The following ABLIM1 variants were observed in gnomAD, a reference collection of about 807,000 sequenced individuals.
ABLIM1 encodes actin-binding LIM protein 1.
Under a neutral mutation model 107.0 loss-of-function variants are expected in ABLIM1, and 40 were observed. The observed-to-expected ratio is 0.37, with a 90% CI of 0.29 to 0.49. ABLIM1 has a LOEUF of 0.49. Ranked by LOEUF, ABLIM1 falls within the 20% of genes least tolerant of loss-of-function variation. ABLIM1 has a pLI of 0.97. For missense variants in ABLIM1, 857 were observed against 1,008.5 expected (o/e 0.85, Z 2.04); for synonymous variants, 357 against 357.3 (o/e 1.00, Z 0.01).
chr10:114,518,498 G>A (rs2063244004), intron 6 of ABLIM1, among the ~76,000 whole-genome samples: 1 of 151,810 alleles, frequency 6.6e-6, no homozygotes, highest in African/African-American at 2.4e-5. Flanking sequence ...TAAATGAACA[G>A]ACGTGGTCCT....
At chr10:114,780,168 A>G in the ABLIM1 span, among the ~76,000 whole-genome samples, 1 of 152,198 alleles carries the variant, frequency 6.6e-6, no homozygotes, top group Admixed American at 6.6e-5. Flanking sequence ...CATCTTTAGG[A>G]AAAAGGAATT....
At chr10:114,666,960 A>G (rs897280836) in intron 1 of ABLIM1, among the ~76,000 whole-genome samples, 1 of 152,204 alleles carries the variant, frequency 6.6e-6, no homozygotes, top group African/African-American at 2.4e-5. Flanking sequence ...TCACATTTTT[A>G]TAGGAAATTT....
chr10:114,528,515 T>C (rs1295851025), intron 6 of ABLIM1, among the ~76,000 whole-genome samples: 1 of 152,108 alleles, frequency 6.6e-6, no homozygotes, highest in African/African-American at 2.4e-5. Context: ...CTCACTAAAT[T>C]TCTAGTGCAT....
At chr10:114,606,864 A>G (rs2076451240) in intron 1 of ABLIM1, among the ~76,000 whole-genome samples, 1 of 152,222 alleles carries the variant, frequency 6.6e-6, no homozygotes, top group Non-Finnish European at 1.5e-5. Flanking sequence ...CACCTAGTGC[A>G]GTGACTTCTA....
At chr10:114,753,587 G>A (rs751991171) in intron 1 of ABLIM1, among the ~76,000 whole-genome samples, 7 of 151,864 alleles carry the variant, frequency 4.6e-5, no homozygotes, top group Non-Finnish European at 7.4e-5. Flanking sequence ...AAAAGGCAAA[G>A]CAGCTTTTTT....
At chr10:114,486,030 C>T (rs559540746) in intron 8 of ABLIM1, among the ~76,000 whole-genome samples, 8 of 152,162 alleles carry the variant, frequency 5.3e-5, no homozygotes, top group African/African-American at 1.9e-4. Flanking sequence ...CCTGACCTCC[C>T]ACGTAGTGAA....
chr10:114,598,716 GA>G (rs2075699950), intron 2 of ABLIM1, among the ~76,000 whole-genome samples: 1 of 151,392 alleles, frequency 6.6e-6, no homozygotes, highest in Non-Finnish European at 1.5e-5. Flanking sequence ...ATTACTTGTT[GA>G]AATGATAATA....
At chr10:114,698,989 T>C (rs1724383448) in intron 1 of ABLIM1, among the ~76,000 whole-genome samples, 1 of 151,470 alleles carries the variant, frequency 6.6e-6, no homozygotes, top group Non-Finnish European at 1.5e-5. Context: ...TGAGTCCAAA[T>C]TAGAAGATAG....
chr10:114,671,415 T>C (rs1441871623), intron 1 of ABLIM1, among the ~76,000 whole-genome samples: 3 of 152,234 alleles, frequency 2.0e-5, no homozygotes, highest in African/African-American at 4.8e-5. Flanking sequence ...TACATGTCCA[T>C]TGGTGGACAT....
At chr10:114,585,555 G>A (rs1344291536) in intron 2 of ABLIM1, among the ~76,000 whole-genome samples, 1 of 152,090 alleles carries the variant, frequency 6.6e-6, no homozygotes, top group Non-Finnish European at 1.5e-5. Flanking sequence ...TGGTAAAGAC[G>A]ATGCTTTCAT....
intron 1 of ABLIM1, among the ~76,000 whole-genome samples, chr10:114,738,382 T>G (rs1566290086): frequency 6.6e-6 from 1 of 152,126 alleles, no homozygotes; most frequent in Non-Finnish European, 1.5e-5. Flanking sequence ...AATCAAAAAA[T>G]GATGCTTTCC....
At chr10:114,439,991 C>G in intron 20 of ABLIM1, 91 bp downstream of exon 20, 1 of 1,602,630 alleles carries the variant, frequency 6.2e-7, no homozygotes, top group Non-Finnish European at 8.5e-7. Context: ...ATCTTCTCAA[C>G]AGAAACTGTT....
chr10:114,618,738 C>T (rs2497670), intron 1 of ABLIM1, among the ~76,000 whole-genome samples: 3,871 of 152,340 alleles, frequency 0.025, 159 homozygotes, highest in African/African-American at 0.088. Flanking sequence ...TCTTGCACCA[C>T]GCTAGCCCCC....
At chr10:114,587,814 A>G (rs917239388) in intron 2 of ABLIM1, among the ~76,000 whole-genome samples, 1 of 152,082 alleles carries the variant, frequency 6.6e-6, no homozygotes, top group South Asian at 2.1e-4. Context: ...CCCCAGACCA[A>G]TGAGACTGAG....
intron 4 of ABLIM1, among the ~76,000 whole-genome samples, chr10:114,566,851 C>G (rs2070814840): frequency 6.6e-6 from 1 of 152,170 alleles, no homozygotes; most frequent in South Asian, 2.1e-4. Flanking sequence ...GAGTTAGAGA[C>G]CAGCCTGGCC....
At chr10:114,753,026 G>A (rs555827625) in intron 1 of ABLIM1, among the ~76,000 whole-genome samples, 14 of 152,282 alleles carry the variant, frequency 9.2e-5, no homozygotes, top group East Asian at 7.7e-4. Context: ...CCTAAAAGCC[G>A]TAGATCTCTC....
At chr10:114,577,698 A>T (rs1470850272) in intron 2 of ABLIM1, among the ~76,000 whole-genome samples, 3 of 152,176 alleles carry the variant, frequency 2.0e-5, no homozygotes, top group Non-Finnish European at 4.4e-5. Context: ...CTACTGAGAG[A>T]TGCCAAGCTA....
rs573774933 is a variant in ABLIM1 at position 114,499,032 on chromosome 10, T to G, written c.895-7154A>C. The stretch of plus-strand genomic sequence containing the variant: ...AGTCTTGTTCTACAAGCAAGGAAAC[T>G]AAATTGTTTTACCCAAACCCACCAG... On this transcript the variant is annotated intron_variant, in intron 6 of 22. Transcript: ENST00000533213. 4.1e-4 allele frequency among the ~76,000 whole-genome samples: 63 copies of G among 152,312 alleles called. 1 individual carries two copies. Among genetic ancestry groups the G allele is most frequent in the African/African-American group, 1.4e-3 (60 of 41,578 alleles).
At chr10:114,774,770 T>C in the ABLIM1 span, among the ~76,000 whole-genome samples, 1 of 151,904 alleles carries the variant, frequency 6.6e-6, no homozygotes, top group Non-Finnish European at 1.5e-5. Flanking sequence ...AGAGCAGAGA[T>C]GTTAAATATT....
Sources: gnomAD v4.1 joint callset for allele counts (sites outside exome capture counted in the v4.1 genomes callset) on GRCh38, gnomAD v4.1.1 for gene constraint, MANE v1.5 for transcripts, NCBI Gene and HGNC (gene_info 2026-07-23, HGNC 2026-07-21) for gene names.